The following RALGPS2 variants were observed in gnomAD, a reference collection of about 807,000 sequenced individuals.
RALGPS2 encodes the protein ras-specific guanine nucleotide-releasing factor RalGPS2.
A neutral mutation model predicts 86.8 loss-of-function variants in RALGPS2; 43 were observed. That is an observed-to-expected ratio of 0.50 (90% confidence interval 0.39 to 0.64). The LOEUF is 0.64. RALGPS2 is among the 30% of genes least tolerant of loss of function. RALGPS2 has a pLI of 0.00. For missense variants in RALGPS2, 536 were observed against 694.6 expected, an observed-to-expected ratio of 0.77 and a Z score of 2.57; for synonymous variants, 243 against 231.3, an observed-to-expected ratio of 1.05 and a Z score of -0.46.
At chr1:178,815,286 T>C (rs1053332138) in intron 6 of RALGPS2, among the ~76,000 whole-genome samples, 23 of 151,908 alleles carry the variant, frequency 1.5e-4, no homozygotes, top group African/African-American at 5.1e-4. Flanking sequence ...GGTTTTGCCA[T>C]GTTGGTCAGG....
At chr1:178,825,247 G>A (rs749334333) in intron 7 of RALGPS2, among the ~76,000 whole-genome samples, 8 of 152,138 alleles carry the variant, frequency 5.3e-5, no homozygotes, top group Non-Finnish European at 4.4e-5. Flanking sequence ...CGAGGCTTTT[G>A]TACCAGAAGG....
At chr1:178,805,617 GTC>G (rs1409232837) in intron 4 of RALGPS2, among the ~76,000 whole-genome samples, 2 of 151,974 alleles carry the variant, frequency 1.3e-5, no homozygotes, top group African/African-American at 2.4e-5. Flanking sequence ...AGGAATTTAT[GTC>G]TGTTTTTCAC....
chr1:178,859,130 A>C (rs1398585592), intron 8 of RALGPS2, among the ~76,000 whole-genome samples: 1 of 121,350 alleles, frequency 8.2e-6, no homozygotes, highest in Non-Finnish European at 1.7e-5. Context: ...AACTGTATTT[A>C]GCAACCCAAA....
intron 8 of RALGPS2, among the ~76,000 whole-genome samples, chr1:178,856,510 G>A (rs1025274209): frequency 7.3e-6 from 1 of 136,788 alleles, no homozygotes; most frequent in Non-Finnish European, 1.5e-5. Flanking sequence ...TCGGACTTCA[G>A]ACTCCCAAAG....
chr1:178,809,661 A>C (rs1654886476), intron 5 of RALGPS2, among the ~76,000 whole-genome samples: 1 of 152,044 alleles, frequency 6.6e-6, no homozygotes, highest in South Asian at 2.1e-4. Context: ...TCTTAAATGT[A>C]GTTGGCTTTA....
intron 8 of RALGPS2, chr1:178,850,866 A>G (rs1657126641): frequency 3.3e-6 from 1 of 298,556 alleles, no homozygotes; most frequent in Non-Finnish European, 6.1e-6. Context: ...TGTGGCAAAT[A>G]TTTACATTTT....
chr1:178,808,281 C>G (rs1375969812), intron 5 of RALGPS2, among the ~76,000 whole-genome samples, 153 bp downstream of exon 5: 1 of 152,008 alleles, frequency 6.6e-6, no homozygotes, highest in Admixed American at 6.6e-5. Context: ...CTTTTTTTCT[C>G]TGTAACTCCT....
At chr1:178,827,487 C>T (rs1385583699) in intron 7 of RALGPS2, among the ~76,000 whole-genome samples, 3 of 150,268 alleles carry the variant, frequency 2.0e-5, no homozygotes, top group Non-Finnish European at 3.0e-5. Context: ...CTCCGCCTCC[C>T]GGGTTCACGC....
At chr1:178,896,094 G>C (rs1355004728) in intron 16 of RALGPS2, among the ~76,000 whole-genome samples, 1 of 152,048 alleles carries the variant, frequency 6.6e-6, no homozygotes, top group Non-Finnish European at 1.5e-5. Flanking sequence ...AGCAGTTACA[G>C]TACTTCAAAA....
Position 178,761,163 on chromosome 1 carries a change from CAG to C in RALGPS2, c.-83-15518_-83-15517del, listed in dbSNP as rs753908037. Among the ~76,000 whole-genome samples the C allele has an allele frequency of 2.6e-5, 4 of 152,102 alleles. No individual in the cohort carries two copies. The South Asian group carries it at 6.2e-4, about 24-fold the overall frequency. On this transcript the variant is annotated intron_variant, in intron 1 of 19. Coordinates refer to ENST00000367635, the MANE Select transcript of RALGPS2 (RefSeq NM_152663.5). ...CTAATTTTTGTGTTTTTAGTAGAGA[CAG>C]GGTTTCGGCCACGTTTGCCAGGCTG...
rs1294754144 is a variant in RALGPS2, at chr1:178,865,540, C to T, written c.608-11958C>T. ...GGTTTTCAAGGTCCATCCTGGTGAT[C>T]ATGTCTTTAATGGTACTTGCATCTT... is the stretch of plus-strand genomic sequence containing the variant. On this transcript the variant is annotated intron_variant, in intron 8 of 19. Transcript: ENST00000367635. 6.2e-6 allele frequency: 10 copies of T among 1,614,138 alleles called. No homozygotes were observed. In the Middle Eastern group the frequency reaches 4.9e-4, roughly 80 times the overall value.
chr1:178,889,023 A>G (rs1056951110), intron 13 of RALGPS2, among the ~76,000 whole-genome samples: 2 of 151,936 alleles, frequency 1.3e-5, no homozygotes, highest in African/African-American at 2.4e-5. Context: ...TTCATTCCCC[A>G]TAGTTTTTTT....
chr1:178,874,001 C>G (rs1050868212), intron 8 of RALGPS2, among the ~76,000 whole-genome samples: 2 of 152,106 alleles, frequency 1.3e-5, no homozygotes, highest in African/African-American at 4.8e-5. Context: ...CTGCCTCAGC[C>G]TCCCATACTA....
At chr1:178,827,820 G>A (rs536297374) in intron 7 of RALGPS2, among the ~76,000 whole-genome samples, 4 of 152,292 alleles carry the variant, frequency 2.6e-5, no homozygotes, top group African/African-American at 9.6e-5. Context: ...CACATTTACA[G>A]TCAATTGATC....
chr1:178,854,248 C>G (rs1657380564), intron 8 of RALGPS2, among the ~76,000 whole-genome samples: 1 of 152,084 alleles, frequency 6.6e-6, no homozygotes, highest in Non-Finnish European at 1.5e-5. Flanking sequence ...AGGGATCGAT[C>G]TACTGGATCA....
intron 1 of RALGPS2, among the ~76,000 whole-genome samples, chr1:178,748,483 A>G (rs772636666): frequency 3.3e-5 from 5 of 152,224 alleles, no homozygotes; most frequent in Non-Finnish European, 5.9e-5. Context: ...CTATTTAGCA[A>G]TATAAAGGAA....
intron 6 of RALGPS2, among the ~76,000 whole-genome samples, chr1:178,821,014 G>A (rs1303541731): frequency 6.6e-6 from 1 of 152,146 alleles, no homozygotes; most frequent in Non-Finnish European, 1.5e-5. Context: ...CAGATCTCAT[G>A]GGAAAGTGCT....
chr1:178,840,110 A>G (rs1656515683), intron 8 of RALGPS2, among the ~76,000 whole-genome samples: 1 of 152,226 alleles, frequency 6.6e-6, no homozygotes, highest in Admixed American at 6.5e-5. Flanking sequence ...AAGGTTAACA[A>G]GGATATCCAG....
intron 5 of RALGPS2, 44 bp downstream of exon 5, chr1:178,808,172 C>A: frequency 8.0e-7 from 1 of 1,244,246 alleles, no homozygotes; most frequent in South Asian, 1.3e-5. Flanking sequence ...TTCAGTTCCT[C>A]AATATATACT....
Sources: allele counts gnomAD v4.1 joint callset (sites outside exome capture counted in the v4.1 genomes callset), GRCh38; gene constraint gnomAD v4.1.1; transcripts MANE v1.5; gene names NCBI Gene and HGNC (gene_info 2026-07-23, HGNC 2026-07-21).